Variants in CSMD1 observed in about 807,000 individuals in gnomAD.
CSMD1 encodes the protein CUB and Sushi multiple domains 1.
In CSMD1, 213 loss-of-function variants were observed where a neutral mutation model predicts 417.5. That is an observed-to-expected ratio of 0.51 (90% CI 0.46 to 0.57). The LOEUF (loss-of-function observed/expected upper bound fraction) is 0.57, where lower values mean the gene tolerates loss of function less well. CSMD1 is among the 20% of genes least tolerant of loss of function. The pLI, the probability that CSMD1 is intolerant of heterozygous loss-of-function variation, is 0.00. For missense variants in CSMD1, 6,923 were observed against 4,529.7 expected (o/e 1.53, Z -15.17); for synonymous variants, 2,862 against 1,736.8 (o/e 1.65, Z -16.11).
At chr8:4,332,620 G>C (rs10103842) in intron 3 of CSMD1, among the ~76,000 whole-genome samples, 66,501 of 146,584 alleles carry the variant, frequency 0.45, 16,766 homozygotes, top group African/African-American at 0.68. Flanking sequence ...GTCATATGCA[G>C]AGACATTCAG....
At chr8:3,355,907 T>C (rs1020270361) in intron 21 of CSMD1, among the ~76,000 whole-genome samples, 2 of 152,146 alleles carry the variant, frequency 1.3e-5, no homozygotes, top group Admixed American at 6.5e-5. Flanking sequence ...GGTTTGAGCA[T>C]TGAGGTTGAA....
chr8:4,395,175 C>G (rs1011458333), intron 3 of CSMD1, among the ~76,000 whole-genome samples: 2 of 152,188 alleles, frequency 1.3e-5, no homozygotes, highest in Non-Finnish European at 2.9e-5. Flanking sequence ...AGAACAACCC[C>G]TCCTCTTTTA....
chr8:3,557,207 G>A (rs1370838020), intron 10 of CSMD1, among the ~76,000 whole-genome samples: 2 of 152,174 alleles, frequency 1.3e-5, no homozygotes, highest in African/African-American at 4.8e-5. Flanking sequence ...CTCTGGATAT[G>A]TATTAGTACA....
At chr8:4,201,862 T>C (rs1799666068) in intron 3 of CSMD1, among the ~76,000 whole-genome samples, 1 of 128,328 alleles carries the variant, frequency 7.8e-6, no homozygotes. Flanking sequence ...TAATTAACAG[T>C]GATGACCATT....
intron 2 of CSMD1, among the ~76,000 whole-genome samples, chr8:4,470,561 A>G (rs540089569): frequency 6.6e-6 from 1 of 152,234 alleles, no homozygotes; most frequent in Non-Finnish European, 1.5e-5. Flanking sequence ...AAGGATTCAG[A>G]GTGAATGTAC....
At chr8:4,443,570 C>T (rs1013304677) in intron 2 of CSMD1, among the ~76,000 whole-genome samples, 1 of 152,182 alleles carries the variant, frequency 6.6e-6, no homozygotes, top group Admixed American at 6.5e-5. Context: ...GCTCAAGACA[C>T]ATGAATAATA....
intron 5 of CSMD1, among the ~76,000 whole-genome samples, chr8:3,945,654 T>G (rs897473893): frequency 3.3e-5 from 5 of 152,128 alleles, no homozygotes; most frequent in African/African-American, 1.2e-4. Context: ...GCCTGATGTA[T>G]TATTTTACTT....
chr8:4,312,013 T>C (rs1425617905), intron 3 of CSMD1, among the ~76,000 whole-genome samples: 3 of 152,160 alleles, frequency 2.0e-5, no homozygotes, highest in African/African-American at 7.2e-5. Context: ...AATGCATTGC[T>C]ATGAAATTAT....
chr8:3,959,943 G>C (rs947623638), intron 5 of CSMD1, among the ~76,000 whole-genome samples: 8 of 152,176 alleles, frequency 5.3e-5, no homozygotes, highest in African/African-American at 1.7e-4. Context: ...CTAGCCATTT[G>C]ATCATGTGGT....
intron 1 of CSMD1, among the ~76,000 whole-genome samples, chr8:4,683,527 C>G (rs1237993083): frequency 1.3e-5 from 2 of 152,094 alleles, no homozygotes; most frequent in African/African-American, 2.4e-5. Context: ...AGGGATTGTG[C>G]CAGGACAGTA....
At chr8:4,816,711 T>G (rs912852505) in intron 1 of CSMD1, among the ~76,000 whole-genome samples, 2 of 152,114 alleles carry the variant, frequency 1.3e-5, no homozygotes, top group Non-Finnish European at 2.9e-5. Context: ...AAGAAGTGAT[T>G]TCCAGATGCA....
At chr8:3,098,963 C>A (rs958590644) in intron 46 of CSMD1, among the ~76,000 whole-genome samples, 12 of 151,734 alleles carry the variant, frequency 7.9e-5, no homozygotes, top group Non-Finnish European at 1.6e-4. Flanking sequence ...ACACCACATG[C>A]CTACCTTTTC....
chr8:4,561,025 AC>A (rs1464627948), intron 2 of CSMD1, among the ~76,000 whole-genome samples: 2 of 152,160 alleles, frequency 1.3e-5, no homozygotes, highest in Non-Finnish European at 2.9e-5. Flanking sequence ...TATATATTCA[AC>A]CCATACCAAT....
At chr8:3,420,577 CT>C (rs1467566038) in intron 12 of CSMD1, among the ~76,000 whole-genome samples, 1 of 152,006 alleles carries the variant, frequency 6.6e-6, no homozygotes, top group African/African-American at 2.4e-5. Flanking sequence ...ATCTTTGCAA[CT>C]TTTCTTTAAA....
At chr8:3,482,582 G>C (rs1399550788) in intron 11 of CSMD1, among the ~76,000 whole-genome samples, 2 of 152,140 alleles carry the variant, frequency 1.3e-5, no homozygotes, top group African/African-American at 2.4e-5. Flanking sequence ...GAAAACTTTA[G>C]CACCCTTAGC....
At chr8:4,628,813 T>A (rs1467951754) in intron 2 of CSMD1, among the ~76,000 whole-genome samples, 1 of 152,068 alleles carries the variant, frequency 6.6e-6, no homozygotes, top group Non-Finnish European at 1.5e-5. Context: ...TAAAATTATA[T>A]CTAGATCAGG....
chr8:3,241,014 A>T (rs1021164687), intron 26 of CSMD1, among the ~76,000 whole-genome samples: 1 of 150,232 alleles, frequency 6.7e-6, no homozygotes, highest in Non-Finnish European at 1.5e-5. Context: ...TAAGGGGTGC[A>T]TGATCGGTCA....
At chr8:4,767,439 C>G (rs966443961) in intron 1 of CSMD1, among the ~76,000 whole-genome samples, 1 of 152,062 alleles carries the variant, frequency 6.6e-6, no homozygotes, top group African/African-American at 2.4e-5. Flanking sequence ...TCATCCTGAC[C>G]AATCCCGCAC....
chr8:4,061,578 G>A (rs772256076), intron 3 of CSMD1, among the ~76,000 whole-genome samples: 1 of 152,146 alleles, frequency 6.6e-6, no homozygotes. Flanking sequence ...CTTGACTATG[G>A]TAAGGAAGTT....
Sources: allele counts gnomAD v4.1 joint callset (sites outside exome capture counted in the v4.1 genomes callset), GRCh38; gene constraint gnomAD v4.1.1; transcripts MANE v1.5; gene names NCBI Gene and HGNC (gene_info 2026-07-23, HGNC 2026-07-21).